LURAP1: variants seen among roughly 807,000 people sequenced by gnomAD.
LURAP1 encodes the protein NF-kappa-B activator C1orf190.
LURAP1 carries 14 observed loss-of-function variants against 19.0 expected under a neutral mutation model. The ratio of observed to expected loss-of-function variants is 0.74; its 90% confidence interval spans 0.49 to 1.15. LURAP1 has a LOEUF of 1.15. Ranked by LOEUF, LURAP1 falls within the 50% of genes most tolerant of loss-of-function variation. The pLI is 0.00. For missense variants in LURAP1, 273 were observed against 309.1 expected (o/e 0.88, Z 0.87); for synonymous variants, 129 against 131.8 (o/e 0.98, Z 0.14).
At chr1:46,204,379 C>T (rs1237011947) in intron 1 of LURAP1, among the ~76,000 whole-genome samples, 1 of 152,198 alleles carries the variant, frequency 6.6e-6, no homozygotes, top group African/African-American at 2.4e-5. Flanking sequence ...AAAGGGCAGC[C>T]GAGGCCCTGG....
intron 1 of LURAP1, among the ~76,000 whole-genome samples, chr1:46,210,453 A>G (rs1407150280): frequency 2.6e-5 from 4 of 152,022 alleles, no homozygotes; most frequent in African/African-American, 9.7e-5. Flanking sequence ...GTCACATCCC[A>G]CAGGTTGAGG....
intron 1 of LURAP1, among the ~76,000 whole-genome samples, chr1:46,206,634 A>G (rs1658726166): frequency 6.6e-6 from 1 of 152,196 alleles, no homozygotes; most frequent in Non-Finnish European, 1.5e-5. Flanking sequence ...GCTTTCTTCT[A>G]TTCTGGGAGT....
intron 1 of LURAP1, among the ~76,000 whole-genome samples, chr1:46,204,364 A>G (rs1488863982): frequency 1.3e-5 from 2 of 152,134 alleles, no homozygotes; most frequent in Non-Finnish European, 2.9e-5. Context: ...CTAGATTCAG[A>G]GCCAAAAGGG....
At chr1:46,204,995 C>T (rs1168434001) in intron 1 of LURAP1, among the ~76,000 whole-genome samples, 3 of 152,162 alleles carry the variant, frequency 2.0e-5, no homozygotes, top group East Asian at 1.9e-4. Flanking sequence ...TGGTGGCTCA[C>T]GCCTGTAATC....
At chr1:46,212,557 A>G (rs1057509778) in intron 1 of LURAP1, among the ~76,000 whole-genome samples, 1 of 151,638 alleles carries the variant, frequency 6.6e-6, no homozygotes, top group African/African-American at 2.4e-5. Context: ...CTGGGATTAC[A>G]GGCGTGAGCC....
intron 1 of LURAP1, among the ~76,000 whole-genome samples, chr1:46,217,194 G>A (rs1422303083): frequency 1.3e-5 from 2 of 152,132 alleles, no homozygotes; most frequent in Non-Finnish European, 2.9e-5. Flanking sequence ...ATCCCTGGAG[G>A]GCAATTGTGC....
intron 1 of LURAP1, among the ~76,000 whole-genome samples, chr1:46,212,471 C>T (rs1023372146): frequency 1.8e-4 from 28 of 151,816 alleles, no homozygotes; most frequent in East Asian, 5.9e-4. Context: ...TTAACAGAGA[C>T]GGGGTTTCAC....
At chr1:46,207,377 T>G (rs1043211192) in intron 1 of LURAP1, among the ~76,000 whole-genome samples, 1 of 148,482 alleles carries the variant, frequency 6.7e-6, no homozygotes, top group South Asian at 2.1e-4. Flanking sequence ...ACTGCGCCCA[T>G]CCTAGCTGAG....
At chr1:46,211,480 C>CACACAG (rs1557684808) in intron 1 of LURAP1, among the ~76,000 whole-genome samples, 1 of 151,054 alleles carries the variant, frequency 6.6e-6, no homozygotes, top group African/African-American at 2.5e-5. Context: ...CACACACACA[C>CACACAG]AGTAATATCA....
intron 1 of LURAP1, among the ~76,000 whole-genome samples, chr1:46,206,422 C>A (rs1346852177): frequency 6.6e-6 from 1 of 152,102 alleles, no homozygotes; most frequent in African/African-American, 2.4e-5. Flanking sequence ...AATGAGGAAA[C>A]CATACAGGAC....
At position 46,203,560 on chromosome 1, in the gene LURAP1, TC is replaced by T. The variant is rs1250924514; in HGVS notation, c.137del (p.Pro46GlnfsTer17). ...CTGGGAACCTCTGGCGCCCTGCTGC[TC>T]CCAGGGGCGTCTAGCACCGGCCACG... ...CELGTSGALL[L>X]PGASSTGHDL... On this transcript the variant is annotated frameshift_variant, in exon 1 of 2. Coordinates refer to ENST00000371980, the MANE Select transcript of LURAP1 (RefSeq NM_001013615.3). LOFTEE classifies it high-confidence loss of function. 3.2e-6 allele frequency: 5 copies of T among 1,571,430 alleles called. No individual in the cohort carries two copies. The highest frequency in any genetic ancestry group is 4.3e-6 in the Non-Finnish European group (5 of 1,162,632).
intron 1 of LURAP1, 55 bp from the exon 2 acceptor site, chr1:46,219,644 G>T: frequency 6.6e-7 from 1 of 1,506,646 alleles, no homozygotes; most frequent in Non-Finnish European, 8.8e-7. Flanking sequence ...CTGTGGAAAC[G>T]CTGGGGAAAC....
chr1:46,216,786 C>T (rs1659084753), intron 1 of LURAP1, among the ~76,000 whole-genome samples: 1 of 152,100 alleles, frequency 6.6e-6, no homozygotes, highest in Admixed American at 6.5e-5. Context: ...CAATCCTTGC[C>T]CCCACCTCTC....
chr1:46,208,817 G>T (rs1037470915), intron 1 of LURAP1, among the ~76,000 whole-genome samples: 1 of 152,026 alleles, frequency 6.6e-6, no homozygotes, highest in African/African-American at 2.4e-5. Context: ...CTCCAGCCTG[G>T]ACGACTGTGC....
At chr1:46,210,611 G>A (rs1658862779) in intron 1 of LURAP1, among the ~76,000 whole-genome samples, 1 of 152,072 alleles carries the variant, frequency 6.6e-6, no homozygotes, top group African/African-American at 2.4e-5. Flanking sequence ...AGAACTCAGG[G>A]AAACACATTT....
chr1:46,204,922 T>C (rs916119193), intron 1 of LURAP1, among the ~76,000 whole-genome samples: 5 of 152,188 alleles, frequency 3.3e-5, no homozygotes, highest in African/African-American at 1.2e-4. Context: ...GCTCTCTTCA[T>C]CTCCACAGTA....
Position 46,219,870 on chromosome 1 carries a change from C to T in LURAP1, c.370C>T (p.Arg124Ter), listed in dbSNP as rs896005242. The change falls in exon 2 of 2, where the codon CGA becomes TGA. Residue 124 changes from arginine to a stop codon, truncating the protein, a stop_gained. Transcript: ENST00000371980. LOFTEE classifies it high-confidence loss of function. ...AGGCGGGAGCCCAGGCCGCTCAAGG[C>T]GAGGCAGCTGGGACAGCCTGCCAGA... ...LTGGSPGRSR[R>*]GSWDSLPDTS... 1.8e-5 allele frequency: 29 copies of T among 1,613,764 alleles called. No individual in the cohort carries two copies. Among genetic ancestry groups the T allele is most frequent in the Non-Finnish European group, 2.5e-5 (29 of 1,179,806 alleles).
chr1:46,208,984 G>A (rs1287732156), intron 1 of LURAP1, among the ~76,000 whole-genome samples: 2 of 152,180 alleles, frequency 1.3e-5, no homozygotes, highest in African/African-American at 4.8e-5. Flanking sequence ...CCTAAAAAAT[G>A]CTCAGTCCCG....
rs149184433 is a variant in LURAP1, at chr1:46,208,315, TG to T, written c.198+4692del. ...CCAACCACACTGAATTTTAAGTGCT[TG>T]CTTCATTGTCTTATCTTACCCACTA... On this transcript the variant is annotated intron_variant, in intron 1 of 1. Transcript: ENST00000371980. 3.8e-3 allele frequency among the ~76,000 whole-genome samples: 576 copies of T among 152,298 alleles called. 2 individuals are homozygous for T. The highest frequency in any genetic ancestry group is 0.013 in the African/African-American group (531 of 41,566).
Sources: gnomAD v4.1 joint callset for allele counts (sites outside exome capture counted in the v4.1 genomes callset) on GRCh38, gnomAD v4.1.1 for gene constraint, MANE v1.5 for transcripts, NCBI Gene and HGNC (gene_info 2026-07-23, HGNC 2026-07-21) for gene names.